The following DDOST variants were observed in gnomAD, a reference collection of about 807,000 sequenced individuals.
DDOST encodes the protein dolichyl-diphosphooligosaccharide--protein glycosyltransferase non-catalytic subunit.
A neutral mutation model predicts 47.6 loss-of-function variants in DDOST; 25 were observed. The observed-to-expected ratio is 0.53, with a 90% CI of 0.38 to 0.73. The LOEUF (loss-of-function observed/expected upper bound fraction) is 0.73. Ranked by LOEUF, DDOST falls within the 30% of genes least tolerant of loss-of-function variation. The pLI is 0.00. For missense variants in DDOST, 526 were observed against 573.9 expected (o/e 0.92, Z 0.85); for synonymous variants, 275 against 236.0 (o/e 1.17, Z -1.51).
chr1:20,654,341 G>C lies in DDOST; in HGVS notation c.676C>G (p.Leu226Val). ...YPHAVGKNTL[L>V]IAGLQARNNA... ...TTCCTGGCCTGGAGCCCAGCAATGA[G>C]GAGGGTGTTCTTCCCCACCGCATGT... Residue 226 changes from leucine to valine, a missense_variant, in exon 7 of 11, where the codon CTC (leucine) becomes GTC (valine). By Grantham distance (32) the Leu-to-Val change is conservative. Coordinates refer to ENST00000602624, the MANE Select transcript of DDOST (RefSeq NM_005216.5). The C allele has an allele frequency of 6.4e-7, 1 of 1,559,038 alleles. No homozygotes were observed. The highest frequency in any genetic ancestry group is 1.2e-5 in the South Asian group (1 of 84,634).
intron 6 of DDOST, 72 bp from the exon 7 acceptor site, chr1:20,654,443 A>T: frequency 6.6e-7 from 1 of 1,519,570 alleles, no homozygotes; most frequent in Non-Finnish European, 8.9e-7. Flanking sequence ...CCCGAACAAG[A>T]GGACAGCAGG....
rs749137941 is a variant in DDOST at position 20,661,338 on chromosome 1, T to C, written c.13A>G (p.Thr5Ala). ...AAGAGGGCCCAAGCCCGGGCCGCGG[T>C]GCTGGGCTCCATCTTCCTCCTCCTG... is the stretch of plus-strand genomic sequence containing the variant. MEPS[T>A]AARAWALFWL... Residue 5 changes from threonine to alanine, a missense_variant, in exon 1 of 11, where the codon ACC becomes GCC. Physicochemically the swap from Thr to Ala is moderately conservative, Grantham distance 58. Transcript: ENST00000602624. 1 of 1,611,900 alleles carries C rather than the reference T, an allele frequency of 6.2e-7. No homozygotes were observed. The highest frequency in any genetic ancestry group is 1.3e-5 in the African/African-American group (1 of 74,870).
chr1:20,660,755 G>A, intron 2 of DDOST, 126 bp downstream of exon 2: 1 of 630,484 alleles, frequency 1.6e-6, no homozygotes, highest in Non-Finnish European at 2.9e-6. Context: ...CCTTATCTCC[G>A]TGGTAGCACC....
chr1:20,652,143 T>C lies in DDOST; in HGVS notation c.*236A>G, dbSNP rs984599930. On this transcript the variant is annotated 3_prime_UTR_variant, in exon 11 of 11. Transcript: ENST00000602624. ...CCTGGCCACGTCCCTATTTTAGAAA[T>C]GAGAGGAGTGACTGCACATAGGAAA... 4.0e-5 allele frequency: 16 copies of C among 395,734 alleles called. No individual in the cohort carries two copies. Among genetic ancestry groups the C allele is most frequent in the South Asian group, 2.7e-4 (7 of 26,370 alleles). The allele number at this position is 395,734 out of a possible 1,614,324, so 24.5% of individuals were successfully genotyped here. A position where few individuals can be genotyped will look rare whatever the true frequency, so the allele number is the denominator to read the frequency against.
rs115133908 is a variant in DDOST, at chr1:20,657,904, C to T, written c.266-1717G>A. Among the ~76,000 whole-genome samples, 400 of 152,266 alleles carry T rather than the reference C, an allele frequency of 2.6e-3. 2 individuals carry two copies. Among genetic ancestry groups the T allele is most frequent in the African/African-American group, 9.4e-3 (392 of 41,550 alleles). On this transcript the variant is annotated intron_variant, in intron 2 of 10. Transcript: ENST00000602624. ...CAGTGCAGTGGTTTGCAATCTTGGC[C>T]GATTTTGCCCCTCAGAGCAATGTCT...
intron 1 of DDOST, 35 bp downstream of exon 1, chr1:20,661,162 C>A (rs1025260225): frequency 1.9e-6 from 3 of 1,600,710 alleles, no homozygotes; most frequent in Non-Finnish European, 2.6e-6. Context: ...CAACCCCAGG[C>A]CCCCACACGC....
chr1:20,661,208 C>T lies in DDOST; in HGVS notation c.143G>A (p.Arg48Gln). 6.2e-7 allele frequency: 1 copy of T among 1,613,836 alleles called. No individual in the cohort carries two copies. Among genetic ancestry groups the T allele is most frequent in the Non-Finnish European group, 8.5e-7 (1 of 1,179,968 alleles). Reference protein sequence around the residue: ...NVRETHSLFFRSLKDRGFELT... With the variant: ...NVRETHSLFFQSLKDRGFELT... Reference sequence around the variant, plus strand: ...GACCCCGCTCTCACCCTTCAGGCTCCGGAAGAAAAGCGAATGAGTCTCCCG... The same window carrying T: ...GACCCCGCTCTCACCCTTCAGGCTCTGGAAGAAAAGCGAATGAGTCTCCCG... Residue 48 changes from arginine (R) to glutamine (Q), a missense_variant, in exon 1 of 11, where the codon CGG (arginine) becomes CAG (glutamine). Arg to Gln is a conservative substitution (Grantham distance 43). Coordinates refer to ENST00000602624, the MANE Select transcript of DDOST (RefSeq NM_005216.5).
In DDOST at chr1:20,653,669, G is replaced by A. The variant is rs17849634; in HGVS notation, c.900C>T (p.Gly300=). The A allele has an allele frequency of 1.2e-5, 20 of 1,612,602 alleles. No homozygotes were observed. Among genetic ancestry groups the A allele is most frequent in the Middle Eastern group, 3.3e-4 (2 of 6,074 alleles). The stretch of plus-strand genomic sequence containing the variant: ...TGTAGGCATTGGGTGGGGCTGTCTC[G>A]CCCACCCGATGATGGGACACAGGCC... The part of the protein sequence containing the change: ...RVGPVSHHRV[G]ETAPPNAYTV... The change falls in exon 8 of 11, where the codon GGC becomes GGT. Residue 300 remains glycine, a synonymous_variant. Transcript: ENST00000602624.
chr1:20,661,154 A>G (rs747098798), intron 1 of DDOST, 43 bp downstream of exon 1: 50 of 1,596,752 alleles, frequency 3.1e-5, no homozygotes, highest in Non-Finnish European at 4.1e-5. Flanking sequence ...TGCTGTACCA[A>G]CCCCAGGCCC....
At chr1:20,656,512 G>C (rs1053990016) in intron 2 of DDOST, among the ~76,000 whole-genome samples, 1 of 152,174 alleles carries the variant, frequency 6.6e-6, no homozygotes, top group Admixed American at 6.5e-5. Flanking sequence ...TGGAAATGCC[G>C]TACTGCCCAT....
chr1:20,655,906 G>T, intron 3 of DDOST, 127 bp from the exon 4 acceptor site: 3 of 867,710 alleles, frequency 3.5e-6, no homozygotes, highest in Non-Finnish European at 5.7e-6. Flanking sequence ...GCTGGGCTCA[G>T]CCCCAGATGG....
intron 2 of DDOST, among the ~76,000 whole-genome samples, chr1:20,658,747 T>C (rs949014927): frequency 3.3e-5 from 5 of 152,238 alleles, no homozygotes. Context: ...TATTTATAGT[T>C]ACCTTCTACG....
rs2053292010 is a variant in DDOST at position 20,651,866 on chromosome 1, C to T, written c.*513G>A. 6.7e-6 allele frequency: 1 copy of T among 150,104 alleles called. No individual in the cohort carries two copies. 9.3% of individuals were successfully genotyped at this position (150,104 alleles called of 1,614,324 possible). A position where few individuals can be genotyped will look rare whatever the true frequency, so the allele number is the denominator to read the frequency against. On this transcript the variant is annotated 3_prime_UTR_variant, in exon 11 of 11. Coordinates refer to ENST00000602624, the MANE Select transcript of DDOST (RefSeq NM_005216.5). ...TTGAGACAGAGTCTTAACACTGTTG[C>T]CCAGGCTGGAGTGCAATGGCGTGAT...
At position 20,652,928 on chromosome 1, in the gene DDOST, A is replaced by G. The variant is rs759832138; in HGVS notation, c.986T>C (p.Val329Ala). Residue 329 changes from valine to alanine, a missense_variant, in exon 9 of 11, where the codon GTC (valine) becomes GCC (alanine). Physicochemically the swap from Val to Ala is moderately conservative, Grantham distance 64. Coordinates refer to ENST00000602624, the MANE Select transcript of DDOST (RefSeq NM_005216.5). Reference protein sequence around the residue: ...VIQQLSNGKWVPFDGDDIQLE... With the variant: ...VIQQLSNGKWAPFDGDDIQLE... ...CTGAATGTCATCGCCATCAAAGGGG[A>G]CCCATTTGCCATTTGAGAGCTGCTG... 5 of 1,613,946 alleles carry G rather than the reference A, an allele frequency of 3.1e-6. No individual in the cohort carries two copies. The highest frequency in any genetic ancestry group is 1.7e-5 in the Admixed American group (1 of 59,980).
chr1:20,653,865 T>C (rs946764950), intron 7 of DDOST, 91 bp from the exon 8 acceptor site: 2 of 1,466,420 alleles, frequency 1.4e-6, no homozygotes, highest in Admixed American at 4.3e-5. Context: ...ACCATGACAG[T>C]ACCCTAGCGA....
chr1:20,656,019 C>G (rs2053368469), intron 3 of DDOST, 82 bp downstream of exon 3: 11 of 1,240,284 alleles, frequency 8.9e-6, no homozygotes, highest in African/African-American at 1.5e-5. Context: ...CCAGTGAATG[C>G]TAATTTGGCA....
intron 2 of DDOST, among the ~76,000 whole-genome samples, chr1:20,657,842 A>G (rs1471848023): frequency 6.6e-6 from 1 of 152,228 alleles, no homozygotes; most frequent in Non-Finnish European, 1.5e-5. Flanking sequence ...TGGAGAGGCC[A>G]GGCAGTCTTG....
chr1:20,654,571 G>C (rs2053345651), intron 6 of DDOST, 43 bp downstream of exon 6: 2 of 1,505,192 alleles, frequency 1.3e-6, no homozygotes, highest in East Asian at 4.9e-5. Flanking sequence ...GTGCTGTTCT[G>C]CTTCATTTTT....
intron 5 of DDOST, 92 bp from the exon 6 acceptor site, chr1:20,654,799 T>C: frequency 1.2e-6 from 1 of 812,052 alleles, no homozygotes; most frequent in Non-Finnish European, 2.0e-6. Flanking sequence ...CAGGAATGAA[T>C]CCTTTTTTCT....
Sources: allele counts gnomAD v4.1 joint callset (sites outside exome capture counted in the v4.1 genomes callset), GRCh38; gene constraint gnomAD v4.1.1; transcripts MANE v1.5; gene names NCBI Gene and HGNC (gene_info 2026-07-23, HGNC 2026-07-21).